The following EYS variants were observed in gnomAD, a reference collection of about 807,000 sequenced individuals.
The protein encoded by EYS is protein eyes shut homolog.
Under a neutral mutation model 282.1 loss-of-function variants are expected in EYS, and 250 were observed. The observed-to-expected ratio is 0.89, with a 90% CI of 0.80 to 0.98. The LOEUF is 0.98. Ranked by LOEUF, EYS falls within the 50% of genes least tolerant of loss-of-function variation. EYS has a pLI of 0.00. For synonymous variants in EYS, 1,355 were observed against 1,282.9 expected, an observed-to-expected ratio of 1.06 and a Z score of -1.20; for missense variants, 4,016 against 3,709.0, an observed-to-expected ratio of 1.08 and a Z score of -2.15.
intron 22 of EYS, among the ~76,000 whole-genome samples, chr6:64,812,016 C>A (rs1764611913): frequency 6.6e-6 from 1 of 152,024 alleles, no homozygotes; most frequent in African/African-American, 2.4e-5. Context: ...ATTTTTAACA[C>A]TGTATCCATC....
intron 19 of EYS, among the ~76,000 whole-genome samples, chr6:64,828,825 G>T (rs939452673): frequency 6.6e-6 from 1 of 151,986 alleles, no homozygotes; most frequent in Admixed American, 6.6e-5. Context: ...GGCCCTCCCT[G>T]GTGGCCATCT....
intron 26 of EYS, among the ~76,000 whole-genome samples, chr6:64,501,863 C>T (rs1777054985): frequency 6.6e-6 from 1 of 152,048 alleles, no homozygotes; most frequent in African/African-American, 2.4e-5. Flanking sequence ...CTCACCTCTA[C>T]CATGTATGAC....
intron 24 of EYS, among the ~76,000 whole-genome samples, chr6:64,612,689 A>T (rs1220464675): frequency 1.3e-5 from 2 of 152,040 alleles, no homozygotes; most frequent in African/African-American, 4.8e-5. Context: ...AGAAATAAAG[A>T]AAAAAACAGC....
At chr6:64,821,203 C>A (rs893333870) in intron 21 of EYS, among the ~76,000 whole-genome samples, 2 of 151,986 alleles carry the variant, frequency 1.3e-5, no homozygotes, top group Admixed American at 1.3e-4. Flanking sequence ...GTGTTGCCCA[C>A]GTCTTGATAT....
chr6:64,664,751 G>A (rs1459009875), intron 22 of EYS, among the ~76,000 whole-genome samples: 1 of 152,158 alleles, frequency 6.6e-6, no homozygotes, highest in Non-Finnish European at 1.5e-5. Context: ...TAAGAAGACA[G>A]CTGACTATCT....
intron 14 of EYS, among the ~76,000 whole-genome samples, chr6:64,982,567 G>A (rs991808386): frequency 1.2e-4 from 18 of 151,220 alleles, no homozygotes; most frequent in African/African-American, 4.4e-4. Flanking sequence ...TTTGAAAAGT[G>A]TTGGCAGAAG....
chr6:64,910,618 A>G (rs1290005929), intron 16 of EYS, among the ~76,000 whole-genome samples: 1 of 152,030 alleles, frequency 6.6e-6, no homozygotes. Flanking sequence ...TACGTACAAT[A>G]ATAAAATACT....
intron 13 of EYS, among the ~76,000 whole-genome samples, chr6:65,051,781 A>G (rs548132068): frequency 6.6e-6 from 1 of 151,674 alleles, no homozygotes; most frequent in African/African-American, 2.4e-5. Flanking sequence ...ATCTAAAAAA[A>G]GATAAAGTCA....
At chr6:64,697,920 G>A (rs564182335) in intron 22 of EYS, among the ~76,000 whole-genome samples, 2 of 151,940 alleles carry the variant, frequency 1.3e-5, no homozygotes, top group Admixed American at 6.6e-5. Context: ...CCAGCCTGAT[G>A]ACAGAACAAG....
intron 15 of EYS, among the ~76,000 whole-genome samples, chr6:64,923,614 A>C (rs1383222661): frequency 2.0e-5 from 3 of 152,170 alleles, no homozygotes; most frequent in Admixed American, 2.0e-4. Flanking sequence ...GTGTCTGTAA[A>C]ATCAAAAGCA....
At chr6:65,605,468 A>G (rs1765754410) in intron 2 of EYS, among the ~76,000 whole-genome samples, 1 of 151,978 alleles carries the variant, frequency 6.6e-6, no homozygotes, top group South Asian at 2.1e-4. Flanking sequence ...AAATTTGTAC[A>G]GCCTTTTAGA....
At chr6:65,426,129 C>T (rs925009699) in intron 5 of EYS, among the ~76,000 whole-genome samples, 1 of 152,002 alleles carries the variant, frequency 6.6e-6, no homozygotes, top group African/African-American at 2.4e-5. Flanking sequence ...TGTATGCCAC[C>T]TCACCCAGCT....
At chr6:65,368,242 G>C (rs1440098551) in intron 8 of EYS, among the ~76,000 whole-genome samples, 1 of 151,502 alleles carries the variant, frequency 6.6e-6, no homozygotes, top group African/African-American at 2.4e-5. Flanking sequence ...GGGATTATGG[G>C]AACTACAAGT....
intron 29 of EYS, among the ~76,000 whole-genome samples, chr6:64,309,862 G>A (rs1178280948): frequency 6.6e-6 from 1 of 151,702 alleles, no homozygotes; most frequent in Non-Finnish European, 1.5e-5. Flanking sequence ...CTACTCGGGA[G>A]GCTGTGGCAA....
intron 12 of EYS, among the ~76,000 whole-genome samples, chr6:65,185,734 C>A (rs1361844992): frequency 6.6e-6 from 1 of 151,660 alleles, no homozygotes; most frequent in African/African-American, 2.4e-5. Flanking sequence ...GGGCACAGTT[C>A]ATCAAGGAAA....
At chr6:64,760,714 T>C (rs1773129409) in intron 22 of EYS, among the ~76,000 whole-genome samples, 1 of 152,126 alleles carries the variant, frequency 6.6e-6, no homozygotes, top group Admixed American at 6.5e-5. Flanking sequence ...TTGCAGCTTG[T>C]CAGTTGGAAG....
intron 19 of EYS, among the ~76,000 whole-genome samples, chr6:64,875,225 TTGTG>T (rs145843431): frequency 1.3e-5 from 2 of 151,424 alleles, no homozygotes; most frequent in Admixed American, 6.6e-5. Context: ...TTGCACCAAT[TTGTG>T]TGTGTGTGTG....
intron 22 of EYS, among the ~76,000 whole-genome samples, chr6:64,653,418 A>C (rs959603608): frequency 2.0e-5 from 3 of 152,218 alleles, no homozygotes; most frequent in African/African-American, 7.2e-5. Flanking sequence ...AAAATTTAAC[A>C]GTGACTGTCT....
intron 26 of EYS, among the ~76,000 whole-genome samples, chr6:64,481,281 T>TATATAC (rs970265445): frequency 4.1e-5 from 3 of 72,690 alleles, no homozygotes; most frequent in Non-Finnish European, 9.5e-5. Context: ...TGTGTATATA[T>TATATAC]ATATATATAT....
Sources: allele counts gnomAD v4.1 joint callset (sites outside exome capture counted in the v4.1 genomes callset), GRCh38; gene constraint gnomAD v4.1.1; transcripts MANE v1.5; gene names NCBI Gene and HGNC (gene_info 2026-07-23, HGNC 2026-07-21).